CIRSR: variants seen among roughly 807,000 people sequenced by gnomAD.
CIRSR encodes the protein corepressor of RBPJ and splicing regulator.
the CIRSR span, among the ~76,000 whole-genome samples, chr2:174,391,450 C>T: frequency 2.7e-4 from 41 of 152,046 alleles, no homozygotes; most frequent in Non-Finnish European, 3.1e-4. Flanking sequence ...ATTAGCCAGG[C>T]GTGGTGGTGT....
the CIRSR span, among the ~76,000 whole-genome samples, chr2:174,356,578 GGAAA>G: frequency 8.1e-6 from 1 of 122,960 alleles, no homozygotes; most frequent in African/African-American, 2.9e-5. Context: ...GAGAAAGAAA[GGAAA>G]GAAAGAAAGA....
the CIRSR span, among the ~76,000 whole-genome samples, chr2:174,360,636 A>G: frequency 6.6e-6 from 1 of 152,196 alleles, no homozygotes; most frequent in East Asian, 1.9e-4. Context: ...TATGACTGTG[A>G]TTGGAGAATC....
the CIRSR span, among the ~76,000 whole-genome samples, chr2:174,351,458 TA>T: frequency 2.0e-4 from 30 of 152,340 alleles, no homozygotes; most frequent in African/African-American, 5.3e-4. Flanking sequence ...TCATTTAGAT[TA>T]AAATAATAAA....
the CIRSR span, among the ~76,000 whole-genome samples, chr2:174,359,938 T>A: frequency 2.4e-4 from 36 of 152,312 alleles, no homozygotes; most frequent in Middle Eastern, 3.4e-3. Context: ...GAAACCATCA[T>A]TCTGGGCAAA....
the CIRSR span, among the ~76,000 whole-genome samples, chr2:174,393,739 A>G: frequency 3.9e-5 from 6 of 152,116 alleles, no homozygotes; most frequent in Admixed American, 1.3e-4. Flanking sequence ...AAAGCTGTAC[A>G]TATTTAATGT....
At chr2:174,376,357 A>G in the CIRSR span, among the ~76,000 whole-genome samples, 2 of 152,194 alleles carry the variant, frequency 1.3e-5, no homozygotes, top group African/African-American at 2.4e-5. Flanking sequence ...ATACTTGAGC[A>G]TTTTTTCTAC....
the CIRSR span, among the ~76,000 whole-genome samples, chr2:174,364,431 G>C: frequency 6.6e-6 from 1 of 152,198 alleles, no homozygotes; most frequent in Admixed American, 6.5e-5. Flanking sequence ...GGGTCTGCAG[G>C]ACGGTGGCCC....
the CIRSR span, among the ~76,000 whole-genome samples, chr2:174,372,038 CACA>C: frequency 1.3e-5 from 2 of 152,114 alleles, no homozygotes; most frequent in East Asian, 3.8e-4. Context: ...AAATTCAGAA[CACA>C]ACATCATTAT....
chr2:174,361,765 A>C, the CIRSR span, among the ~76,000 whole-genome samples: 4 of 152,246 alleles, frequency 2.6e-5, no homozygotes, highest in African/African-American at 9.6e-5. Flanking sequence ...TAGTGTAAAC[A>C]AGATTGGATA....
chr2:174,369,953 C>T, the CIRSR span: 4 of 1,361,462 alleles, frequency 2.9e-6, no homozygotes, highest in African/African-American at 1.5e-5. Context: ...GGTTGGAAAA[C>T]TGGTGCTGAT....
the CIRSR span, among the ~76,000 whole-genome samples, chr2:174,383,981 C>T: frequency 4.6e-5 from 7 of 151,828 alleles, no homozygotes; most frequent in East Asian, 1.9e-4. Context: ...TTCCTCAAAA[C>T]GCTAAATATA....
At chr2:174,350,891 TA>T in the CIRSR span, 11 of 610,960 alleles carry the variant, frequency 1.8e-5, no homozygotes, top group Non-Finnish European at 2.7e-5. Context: ...GGGAGAGAAT[TA>T]AAAAATTTTT....
the CIRSR span, among the ~76,000 whole-genome samples, chr2:174,386,703 G>A: frequency 6.6e-6 from 1 of 152,154 alleles, no homozygotes; most frequent in Non-Finnish European, 1.5e-5. Flanking sequence ...AAAAAACGGC[G>A]CTCAGTTGAG....
chr2:174,349,183 G>A, the CIRSR span: 1 of 1,286,254 alleles, frequency 7.8e-7, no homozygotes, highest in African/African-American at 1.5e-5. Context: ...CTGTAATTGG[G>A]AAATAAACAG....
chr2:174,363,304 T>C, the CIRSR span, among the ~76,000 whole-genome samples: 1 of 152,114 alleles, frequency 6.6e-6, no homozygotes, highest in Non-Finnish European at 1.5e-5. Flanking sequence ...ACTGCAAGGC[T>C]CAGACCCTTA....
At chr2:174,379,101 A>G in the CIRSR span, 2 of 1,119,714 alleles carry the variant, frequency 1.8e-6, no homozygotes, top group Non-Finnish European at 2.7e-6. Context: ...CAATGTTCAA[A>G]TTCCTATTCC....
At chr2:174,384,358 G>A in the CIRSR span, among the ~76,000 whole-genome samples, 5 of 152,130 alleles carry the variant, frequency 3.3e-5, no homozygotes, top group Non-Finnish European at 7.4e-5. Context: ...GGTTGCCAGG[G>A]GCTGTGGGCC....
the CIRSR span, chr2:174,380,317 T>A: frequency 8.7e-7 from 1 of 1,155,588 alleles, no homozygotes; most frequent in Non-Finnish European, 1.2e-6. Flanking sequence ...CAGCAGTTAA[T>A]CAGAAAAATA....
At chr2:174,374,249 T>C in the CIRSR span, among the ~76,000 whole-genome samples, 1 of 152,244 alleles carries the variant, frequency 6.6e-6, no homozygotes, top group African/African-American at 2.4e-5. Context: ...CCTTTCTTTC[T>C]ACCTAAGTTT....
Sources: gnomAD v4.1 joint callset for allele counts (sites outside exome capture counted in the v4.1 genomes callset) on GRCh38, gnomAD v4.1.1 for gene constraint, MANE v1.5 for transcripts, NCBI Gene and HGNC (gene_info 2026-07-23, HGNC 2026-07-21) for gene names.